GNAQ: variants seen among roughly 807,000 people sequenced by gnomAD.
GNAQ encodes G protein subunit alpha q.
Under a neutral mutation model 43.9 loss-of-function variants are expected in GNAQ, and 8 were observed. The ratio of observed to expected loss-of-function variants is 0.18; its 90% CI spans 0.11 to 0.33. The LOEUF (loss-of-function observed/expected upper bound fraction) is 0.33, where lower values mean the gene tolerates loss of function less well. Ranked by LOEUF, GNAQ falls within the 10% of genes least tolerant of loss-of-function variation. GNAQ has a pLI of 1.00. For missense variants in GNAQ, 158 were observed against 450.8 expected, an observed-to-expected ratio of 0.35 and a Z score of 5.88; for synonymous variants, 155 against 170.7, an observed-to-expected ratio of 0.91 and a Z score of 0.71.
At chr9:77,763,141 CA>C (rs34812363) in intron 5 of GNAQ, among the ~76,000 whole-genome samples, 10,687 of 64,862 alleles carry the variant, frequency 0.16, 511 homozygotes, top group South Asian at 0.34. Context: ...AACAAACAAA[CA>C]AAAAAAAAAA....
chr9:77,842,323 G>C (rs1218733544), intron 2 of GNAQ, among the ~76,000 whole-genome samples: 3 of 152,126 alleles, frequency 2.0e-5, no homozygotes, highest in East Asian at 1.9e-4. Flanking sequence ...CATCAACCAG[G>C]CTCCCTCTTT....
At chr9:77,949,746 T>A (rs907758627) in intron 1 of GNAQ, among the ~76,000 whole-genome samples, 1 of 152,196 alleles carries the variant, frequency 6.6e-6, no homozygotes, top group Non-Finnish European at 1.5e-5. Context: ...AGGGAAATAT[T>A]AGAGATTCAC....
intron 1 of GNAQ, among the ~76,000 whole-genome samples, chr9:78,002,229 T>C (rs547662206): frequency 4.1e-4 from 62 of 152,138 alleles, no homozygotes; most frequent in Non-Finnish European, 8.2e-4. Context: ...CCCCTTATCA[T>C]TTACTCCCCT....
At position 77,864,895 on chromosome 9, in the gene GNAQ, T is replaced by A. The variant is rs530732532; in HGVS notation, c.322-49125A>T. ...ATCTCCTTGGTGGTTTCCATACCCA[T>A]GCCTTTGGAGACAGCTTCTTTAAAC... On this transcript the variant is annotated intron_variant, in intron 2 of 6. Coordinates refer to ENST00000286548, the MANE Select transcript of GNAQ (RefSeq NM_002072.5). 3.9e-5 allele frequency among the ~76,000 whole-genome samples: 6 copies of A among 152,308 alleles called. No homozygotes were observed. In the South Asian group the frequency reaches 1.2e-3, roughly 32 times the overall value.
chr9:77,894,221 T>A (rs1239557740), intron 2 of GNAQ, among the ~76,000 whole-genome samples: 1 of 125,440 alleles, frequency 8.0e-6, no homozygotes, highest in Admixed American at 9.8e-5. Context: ...TATTACAGTA[T>A]TCTTAAAATA....
At chr9:77,806,695 TAGGAAAG>T (rs1267704945) in intron 3 of GNAQ, among the ~76,000 whole-genome samples, 2 of 152,136 alleles carry the variant, frequency 1.3e-5, no homozygotes, top group Non-Finnish European at 1.5e-5. Context: ...GAGAAGAAAT[TAGGAAAG>T]GTACAGAACT....
chr9:77,905,294 G>A (rs1040608144), intron 2 of GNAQ, among the ~76,000 whole-genome samples: 11 of 151,994 alleles, frequency 7.2e-5, no homozygotes, highest in Non-Finnish European at 1.5e-4. Flanking sequence ...ACAAAACCAC[G>A]CCTATGAGTA....
At chr9:77,945,082 A>G (rs552799574) in intron 1 of GNAQ, among the ~76,000 whole-genome samples, 5 of 152,298 alleles carry the variant, frequency 3.3e-5, no homozygotes, top group African/African-American at 1.2e-4. Context: ...GAAGTATTGT[A>G]AATTCCGAGA....
At chr9:78,024,179 T>A (rs1383963836) in intron 1 of GNAQ, among the ~76,000 whole-genome samples, 1 of 152,082 alleles carries the variant, frequency 6.6e-6, no homozygotes, top group African/African-American at 2.4e-5. Context: ...CTGGAAACAA[T>A]ATGAGAATGT....
chr9:77,966,528 A>G (rs1278673097), intron 1 of GNAQ, among the ~76,000 whole-genome samples: 4 of 152,196 alleles, frequency 2.6e-5, no homozygotes, highest in Admixed American at 1.3e-4. Context: ...AACAAAATTC[A>G]TTTTTCTTAG....
intron 1 of GNAQ, among the ~76,000 whole-genome samples, chr9:77,986,848 T>A (rs12339272): frequency 6.8e-6 from 1 of 147,886 alleles, no homozygotes; most frequent in Admixed American, 6.8e-5. Context: ...AGAGTTTTGA[T>A]AAGGGTTTTT....
chr9:77,746,313 AC>A (rs1825728890), intron 5 of GNAQ, among the ~76,000 whole-genome samples: 1 of 152,200 alleles, frequency 6.6e-6, no homozygotes, highest in African/African-American at 2.4e-5. Flanking sequence ...AGGGAACTCA[AC>A]ACAAGAAAGA....
At chr9:77,745,403 G>A (rs1825713825) in intron 5 of GNAQ, among the ~76,000 whole-genome samples, 1 of 152,104 alleles carries the variant, frequency 6.6e-6, no homozygotes. Context: ...AGTGAGTAGG[G>A]AAGGGGAAGA....
intron 1 of GNAQ, chr9:78,030,552 C>T (rs1043672430): frequency 2.1e-6 from 1 of 471,190 alleles, no homozygotes. Flanking sequence ...AGTCTGCCCA[C>T]CGTTCCCCCA....
At chr9:77,942,304 C>T (rs541338594) in intron 1 of GNAQ, among the ~76,000 whole-genome samples, 2 of 152,082 alleles carry the variant, frequency 1.3e-5, no homozygotes, top group South Asian at 4.2e-4. Flanking sequence ...ATAAAATATA[C>T]AAGAAAATGT....
chr9:77,985,302 G>A (rs1823421521), intron 1 of GNAQ, among the ~76,000 whole-genome samples: 1 of 152,142 alleles, frequency 6.6e-6, no homozygotes, highest in African/African-American at 2.4e-5. Flanking sequence ...GACAGAGAGA[G>A]ACTCCATCTC....
chr9:77,818,836 T>C (rs1389823981), intron 2 of GNAQ, among the ~76,000 whole-genome samples: 1 of 151,108 alleles, frequency 6.6e-6, no homozygotes, highest in East Asian at 2.0e-4. Context: ...CCCATCTCTA[T>C]AAAAAACAGA....
At chr9:77,959,108 GC>G (rs2118410198) in intron 1 of GNAQ, among the ~76,000 whole-genome samples, 1 of 152,208 alleles carries the variant, frequency 6.6e-6, no homozygotes, top group Admixed American at 6.5e-5. Context: ...CAAGGAGAGG[GC>G]CCCAGAGTTC....
rs925378822 is a variant in GNAQ at position 77,896,452 on chromosome 9, T to C, written c.321+25709A>G. Among the ~76,000 whole-genome samples the C allele has an allele frequency of 4.6e-5, 7 of 152,352 alleles. No homozygotes were observed. In the East Asian group the frequency reaches 7.7e-4, roughly 17 times the overall value. The stretch of plus-strand genomic sequence containing the variant: ...TACTGAAGTATTTCAGAGGAAGTCC[T>C]ATCTGTCCTAAAGCTGTCACTCATC... On this transcript the variant is annotated intron_variant, in intron 2 of 6. Transcript: ENST00000286548.
Sources: allele counts gnomAD v4.1 joint callset (sites outside exome capture counted in the v4.1 genomes callset), GRCh38; gene constraint gnomAD v4.1.1; transcripts MANE v1.5; gene names NCBI Gene and HGNC (gene_info 2026-07-23, HGNC 2026-07-21).